The following MCF2L variants were observed in gnomAD, a reference collection of about 807,000 sequenced individuals.
MCF2L encodes MCF.2 cell line derived transforming sequence like.
MCF2L carries 97 observed loss-of-function variants against 153.4 expected under a neutral mutation model. The observed-to-expected ratio is 0.63, with a 90% CI of 0.54 to 0.75. The LOEUF (loss-of-function observed/expected upper bound fraction) is 0.75. MCF2L is among the 30% of genes least tolerant of loss of function. MCF2L has a pLI of 0.00. For missense variants in MCF2L, 1,347 were observed against 1,495.2 expected, an observed-to-expected ratio of 0.90 and a Z score of 1.64; for synonymous variants, 659 against 632.2, an observed-to-expected ratio of 1.04 and a Z score of -0.64.
chr13:113,052,130 T>C (rs1451985058), intron 4 of MCF2L, among the ~76,000 whole-genome samples: 2 of 152,208 alleles, frequency 1.3e-5, no homozygotes, highest in African/African-American at 4.8e-5. Flanking sequence ...ATTTAATCAT[T>C]CCACTGAGGA....
intron 2 of MCF2L, among the ~76,000 whole-genome samples, chr13:112,953,103 T>C (rs1186512536): frequency 6.6e-6 from 1 of 152,192 alleles, no homozygotes; most frequent in Non-Finnish European, 1.5e-5. Context: ...TGAAATGGAA[T>C]GGCCTCTGTT....
intron 1 of MCF2L, among the ~76,000 whole-genome samples, chr13:113,002,211 G>A (rs2083423084): frequency 6.6e-6 from 1 of 152,220 alleles, no homozygotes; most frequent in Non-Finnish European, 1.5e-5. Flanking sequence ...CTTGCCCGAT[G>A]GATGGTTTAG....
chr13:113,060,603 C>T lies in MCF2L; in HGVS notation c.380C>T (p.Pro127Leu), dbSNP rs763583495. 1.3e-5 allele frequency: 21 copies of T among 1,613,128 alleles called. No homozygotes were observed. The highest frequency in any genetic ancestry group is 2.2e-5 in the East Asian group (1 of 44,872). Residue 127 changes from proline (P) to leucine (L), a missense_variant, in exon 5 of 30, where the codon CCG (proline) becomes CTG (leucine). Pro to Leu is a moderately conservative substitution (Grantham distance 98). This residue lies in a region of MCF2L where 820 missense variants were observed against 921.2 expected (regional missense o/e 0.89). Coordinates refer to ENST00000535094, the MANE Select transcript of MCF2L (RefSeq NM_001112732.3). ...CGCCCTCTCTCACAGGCATCTTTCCCGGCAAACCTGCAGCTCGTCCTCGTG... is the reference window on the plus strand; with the variant it reads ...CGCCCTCTCTCACAGGCATCTTTCCTGGCAAACCTGCAGCTCGTCCTCGTG... ...ASVLRIAASF[P>L]ANLQLVLVLR...
At chr13:112,902,335 G>C (rs2081127180) in exon 2 of MCF2L, 1 of 1,612,900 alleles carries the variant, frequency 6.2e-7, no homozygotes, top group Admixed American at 1.7e-5. Flanking sequence ...CATCAGGCTT[G>C]TTCAAGACAC....
At chr13:113,063,481 C>T (rs191004818) in intron 5 of MCF2L, among the ~76,000 whole-genome samples, 6 of 149,322 alleles carry the variant, frequency 4.0e-5, no homozygotes, top group African/African-American at 1.0e-4. Flanking sequence ...AGCGTTCAGG[C>T]GTCCCTGTCC....
Position 113,064,853 on chromosome 13 carries a change from G to T in MCF2L, c.607-83G>T, listed in dbSNP as rs41286600. ...CACCTGATGGGTCTGTGTGGGAACG[G>T]TTTCCGCCGGTGTCTGCTTTCAGGG... On this transcript the variant is annotated intron_variant, in intron 6 of 29. Coordinates refer to ENST00000535094, the MANE Select transcript of MCF2L (RefSeq NM_001112732.3). The surrounding 1 kb of genome is among the most constrained non-coding windows in gnomAD (Gnocchi z 6.0). 6.6e-7 allele frequency: 1 copy of T among 1,508,948 alleles called. No homozygotes were observed. Among genetic ancestry groups the T allele is most frequent in the Non-Finnish European group, 9.0e-7 (1 of 1,112,654 alleles). 93.5% of individuals were successfully genotyped at this position (1,508,948 alleles called of 1,614,324 possible).
chr13:112,931,328 C>G (rs2081460981), intron 2 of MCF2L, among the ~76,000 whole-genome samples: 1 of 152,340 alleles, frequency 6.6e-6, no homozygotes, highest in South Asian at 2.1e-4. Context: ...CCAGGCTCCA[C>G]TTAATTACGT....
At chr13:112,999,735 G>T (rs908271961) in intron 1 of MCF2L, among the ~76,000 whole-genome samples, 1 of 152,236 alleles carries the variant, frequency 6.6e-6, no homozygotes, top group African/African-American at 2.4e-5. Flanking sequence ...AGCTGGAGGT[G>T]AGGACACGTT....
intron 2 of MCF2L, among the ~76,000 whole-genome samples, chr13:112,911,745 G>T (rs2081235816): frequency 6.6e-6 from 1 of 152,254 alleles, no homozygotes; most frequent in African/African-American, 2.4e-5. Flanking sequence ...ACACGGATGC[G>T]CTGAGCAGCG....
intron 3 of MCF2L, among the ~76,000 whole-genome samples, chr13:113,025,576 T>C (rs113074006): frequency 1.0e-4 from 7 of 67,118 alleles, no homozygotes; most frequent in African/African-American, 1.3e-4. Context: ...GGAGGTTTCA[T>C]CATGGTGGGG....
At chr13:112,945,617 C>T (rs1323484013) in intron 2 of MCF2L, among the ~76,000 whole-genome samples, 2 of 152,160 alleles carry the variant, frequency 1.3e-5, no homozygotes, top group African/African-American at 4.8e-5. Context: ...CAGTTCCTGC[C>T]CTGCTGAGCA....
intron 26 of MCF2L, chr13:113,090,101 C>G (rs531808721): frequency 6.5e-7 from 1 of 1,549,854 alleles, no homozygotes; most frequent in South Asian, 1.2e-5. Context: ...TCAGAAAGCT[C>G]TGCGCTTTCC....
intron 1 of MCF2L, chr13:112,979,782 G>A: frequency 1.3e-6 from 2 of 1,599,326 alleles, no homozygotes; most frequent in Non-Finnish European, 1.7e-6. Context: ...GGGTCGCAGG[G>A]CATGGGGGCA....
At chr13:113,040,238 G>C (rs1268651508) in intron 3 of MCF2L, 1 of 152,370 alleles carries the variant, frequency 6.6e-6, no homozygotes, top group East Asian at 1.9e-4. Context: ...CGGCCTCTCA[G>C]TCTGGGCACT....
rs921231921 is a variant in MCF2L, at chr13:113,053,435, C to T, written c.370-7158C>T. ...TTAGGTTCCACGTGGTCCTTTGGGGCGGGAATCCTGGTGGGTGAGCTTCTG... is the reference window on the plus strand; with the variant it reads ...TTAGGTTCCACGTGGTCCTTTGGGGTGGGAATCCTGGTGGGTGAGCTTCTG... On this transcript the variant is annotated intron_variant, in intron 4 of 29. Transcript: ENST00000535094. This position sits in a 1 kb window ranked among gnomAD's most constrained non-coding sequence, Gnocchi z 4.4. Among the ~76,000 whole-genome samples, 12 of 152,176 alleles carry T rather than the reference C, an allele frequency of 7.9e-5. No individual in the cohort carries two copies. Among genetic ancestry groups the T allele is most frequent in the African/African-American group, 1.2e-4 (5 of 41,436 alleles).
intron 2 of MCF2L, among the ~76,000 whole-genome samples, chr13:112,955,123 A>G (rs2081741493): frequency 6.6e-6 from 1 of 152,196 alleles, no homozygotes; most frequent in Non-Finnish European, 1.5e-5. Flanking sequence ...CCCGAGGGAA[A>G]GCTGCCTGAG....
intron 1 of MCF2L, among the ~76,000 whole-genome samples, chr13:112,896,505 G>A (rs1417591697): frequency 6.6e-6 from 1 of 152,206 alleles, no homozygotes; most frequent in East Asian, 1.9e-4. Flanking sequence ...AACGTGGTGG[G>A]AGAAGGCCTG....
chr13:113,005,211 A>T lies in MCF2L; in HGVS notation c.80-9552A>T, dbSNP rs143305965. Among the ~76,000 whole-genome samples the T allele has an allele frequency of 5.0e-3, 767 of 152,330 alleles. 11 individuals are homozygous for T. Among genetic ancestry groups the T allele is most frequent in the African/African-American group, 0.017 (712 of 41,572 alleles). ...CGGATGAGCCTGGAGGACAGTGCTG[A>T]GCAAAATCAGCCACAGGCAAAGCCA... On this transcript the variant is annotated intron_variant, in intron 1 of 29. Coordinates refer to ENST00000535094, the MANE Select transcript of MCF2L (RefSeq NM_001112732.3).
At chr13:112,916,473 G>A (rs114989932) in intron 2 of MCF2L, among the ~76,000 whole-genome samples, 2,202 of 152,192 alleles carry the variant, frequency 0.014, 50 homozygotes, top group African/African-American at 0.05. Context: ...ATGAGTCTCC[G>A]CACGTCCGCG....
Sources: gnomAD v4.1 joint callset for allele counts (sites outside exome capture counted in the v4.1 genomes callset) on GRCh38, gnomAD v4.1.1 for gene constraint, gnomAD v4.1.1 regional missense constraint, Gnocchi (gnomAD v3.1) non-coding constraint, MANE v1.5 for transcripts, NCBI Gene and HGNC (gene_info 2026-07-23, HGNC 2026-07-21) for gene names.